Variants in CACNA1D observed in about 807,000 individuals in gnomAD.
CACNA1D encodes the protein calcium voltage-gated channel subunit alpha1 D, also known as voltage-dependent L-type calcium channel subunit alpha-1D.
In CACNA1D, 55 loss-of-function variants were observed where a neutral mutation model predicts 257.1. The observed-to-expected ratio is 0.21, with a 90% CI of 0.17 to 0.27. The LOEUF (loss-of-function observed/expected upper bound fraction) is 0.27, where lower values mean the gene tolerates loss of function less well. CACNA1D is among the 10% of genes least tolerant of loss of function. The pLI is 1.00. For missense variants in CACNA1D, 1,876 were observed against 2,784.0 expected (o/e 0.67, Z 7.34); for synonymous variants, 980 against 1,014.9 (o/e 0.97, Z 0.65).
chr3:53,500,598 T>G (rs2090559200), intron 2 of CACNA1D, among the ~76,000 whole-genome samples: 3 of 152,342 alleles, frequency 2.0e-5, no homozygotes, highest in African/African-American at 7.2e-5. Context: ...GCCTTGCCTC[T>G]TGTGGGTGAG....
rs2106807725 is a variant in CACNA1D, at chr3:53,803,459, C to T, written c.5472C>T (p.Cys1824=). The T allele has an allele frequency of 1.2e-6, 2 of 1,614,206 alleles. No homozygotes were observed. The highest frequency in any genetic ancestry group is 2.2e-5 in the South Asian group (2 of 91,086). Residue 1824 remains cysteine, a synonymous_variant, in exon 44 of 48, where the codon TGC becomes TGT. Coordinates refer to ENST00000350061, the MANE Select transcript of CACNA1D (RefSeq NM_001128840.3). ...DSGDEQLPTI[C]REDPEIHGYF... Reference sequence around the variant, plus strand: ...GAGATGAACAGCTCCCAACTATTTGCCGGGAAGACCCAGAGATACATGGCT... The same window carrying T: ...GAGATGAACAGCTCCCAACTATTTGTCGGGAAGACCCAGAGATACATGGCT...
At chr3:53,509,326 C>T (rs2091008274) in intron 3 of CACNA1D, among the ~76,000 whole-genome samples, 1 of 151,932 alleles carries the variant, frequency 6.6e-6, no homozygotes, top group Non-Finnish European at 1.5e-5. Flanking sequence ...AGCTCATGCT[C>T]ATGAGTGTGT....
intron 5 of CACNA1D, among the ~76,000 whole-genome samples, chr3:53,662,361 G>A (rs981534928): frequency 1.3e-5 from 2 of 151,268 alleles, no homozygotes; most frequent in African/African-American, 4.8e-5. Context: ...TCTGACCCCT[G>A]TGTTGACGTC....
At chr3:53,594,567 G>T (rs911791954) in intron 3 of CACNA1D, among the ~76,000 whole-genome samples, 8 of 152,268 alleles carry the variant, frequency 5.3e-5, no homozygotes, top group Admixed American at 3.3e-4. Context: ...AAGAAAGGGA[G>T]GTTATGCAAC....
rs60630509 is a variant in CACNA1D at position 53,691,691 on chromosome 3, G to GATATATATTACATATATAAT, written c.1221-10903_1221-10884dup. On this transcript the variant is annotated intron_variant, in intron 8 of 47. Coordinates refer to ENST00000350061, the MANE Select transcript of CACNA1D (RefSeq NM_001128840.3). ...GTATATATGTAATATATATATTGCA[G>GATATATATTACATATATAAT]ATATATATTACATATATAATATATA... Among the ~76,000 whole-genome samples the GATATATATTACATATATAAT allele has an allele frequency of 5.7e-3, 638 of 111,776 alleles. 13 individuals carry two copies. The highest frequency in any genetic ancestry group is 0.011 in the African/African-American group (307 of 29,004). The allele number at this position is 111,776 out of a possible 152,430, so 73.3% of individuals were successfully genotyped here. A position where few individuals can be genotyped will look rare whatever the true frequency, so the allele number is the denominator to read the frequency against.
chr3:53,536,089 C>G (rs752437342), intron 3 of CACNA1D, among the ~76,000 whole-genome samples: 1 of 152,100 alleles, frequency 6.6e-6, no homozygotes, highest in South Asian at 2.1e-4. Context: ...CTAAGATAAC[C>G]CATGTTTGTG....
intron 37 of CACNA1D, among the ~76,000 whole-genome samples, chr3:53,777,709 A>T (rs554920768): frequency 6.6e-6 from 1 of 152,274 alleles, no homozygotes; most frequent in East Asian, 1.9e-4. Context: ...CTTTGCTGGC[A>T]CACTAGGCTC....
intron 32 of CACNA1D, among the ~76,000 whole-genome samples, chr3:53,772,178 A>G (rs1576620414): frequency 1.3e-5 from 2 of 152,278 alleles, no homozygotes; most frequent in Admixed American, 1.3e-4. Context: ...AGGGAGCCAC[A>G]CTTGGCGACC....
chr3:53,556,610 A>G (rs2092649014), intron 3 of CACNA1D, among the ~76,000 whole-genome samples: 1 of 151,782 alleles, frequency 6.6e-6, no homozygotes, highest in Non-Finnish European at 1.5e-5. Context: ...CAATTTGAAA[A>G]GTGCCCCATA....
chr3:53,579,734 TGCAGTGG>T (rs1365467921), intron 3 of CACNA1D, among the ~76,000 whole-genome samples: 2 of 152,220 alleles, frequency 1.3e-5, no homozygotes, highest in Non-Finnish European at 2.9e-5. Context: ...CTTTGAGTGG[TGCAGTGG>T]GCAGAGTGTG....
At chr3:53,507,512 G>A (rs1366531960) in intron 3 of CACNA1D, among the ~76,000 whole-genome samples, 1 of 152,134 alleles carries the variant, frequency 6.6e-6, no homozygotes, top group Admixed American at 6.5e-5. Flanking sequence ...CAGCTACTCA[G>A]GAGGCTGAGG....
intron 3 of CACNA1D, among the ~76,000 whole-genome samples, chr3:53,575,052 T>C (rs555533744): frequency 4.6e-5 from 7 of 152,294 alleles, no homozygotes; most frequent in Admixed American, 2.6e-4. Flanking sequence ...TTCCACAGCA[T>C]TATGTGTGCC....
intron 3 of CACNA1D, among the ~76,000 whole-genome samples, chr3:53,521,044 A>C (rs6783453): frequency 0.15 from 12,533 of 84,374 alleles, 1,792 homozygotes; most frequent in African/African-American, 0.41. Flanking sequence ...CTCTTTCCCT[A>C]TTTCTTTCTC....
In CACNA1D at chr3:53,494,643, G is replaced by A. The variant is rs184323; in HGVS notation, c.-524G>A. On this transcript the variant is annotated 5_prime_UTR_variant, in exon 1 of 48. Transcript: ENST00000350061. ...GCGTGCGGCGCGGCGCGGCGGGCGC[G>A]GAGCGAGCGGGCGGGCGAGCGCCTC... 0.46 allele frequency: 67,157 copies of A among 145,902 alleles called. 16,112 individuals are homozygous for A. The highest frequency in any genetic ancestry group is 0.55 in the Middle Eastern group (152 of 278). The allele number at this position is 145,902 out of a possible 1,614,324, so 9.0% of individuals were successfully genotyped here. A position where few individuals can be genotyped will look rare whatever the true frequency, so the allele number is the denominator to read the frequency against.
intron 3 of CACNA1D, among the ~76,000 whole-genome samples, chr3:53,628,289 G>T (rs911246386): frequency 1.3e-5 from 2 of 152,084 alleles, no homozygotes; most frequent in Non-Finnish European, 2.9e-5. Context: ...AAAGTATGAG[G>T]GTAACTTCTT....
At position 53,718,751 on chromosome 3, in the gene CACNA1D, T is replaced by C. The variant is rs2094849300; in HGVS notation, c.1478+363T>C. On this transcript the variant is annotated intron_variant, in intron 10 of 47. Transcript: ENST00000350061. ...GGTGTCGGCGGTGGGGGTAAAGGCCTGATTCTCCTTCCAGCCTGGGTTTGG... is the reference window on the plus strand; with the variant it reads ...GGTGTCGGCGGTGGGGGTAAAGGCCCGATTCTCCTTCCAGCCTGGGTTTGG... 2 of 1,549,384 alleles carry C rather than the reference T, an allele frequency of 1.3e-6. No individual in the cohort carries two copies. Among genetic ancestry groups the C allele is most frequent in the African/African-American group, 1.4e-5 (1 of 73,360 alleles).
chr3:53,779,280 A>C (rs919771411), intron 37 of CACNA1D, among the ~76,000 whole-genome samples: 2 of 152,200 alleles, frequency 1.3e-5, no homozygotes, highest in African/African-American at 4.8e-5. Context: ...GCGTGTTAAC[A>C]TTTATATTTC....
chr3:53,813,291 A>G lies in CACNA1D; in HGVS notation c.*1885A>G, dbSNP rs2095608800. Reference sequence around the variant, plus strand: ...TAAATCCTTTTTTATTAAAATGCAAAATGTTCTTCAGAATAAAACTGTGTA... The same window carrying G: ...TAAATCCTTTTTTATTAAAATGCAAGATGTTCTTCAGAATAAAACTGTGTA... On this transcript the variant is annotated 3_prime_UTR_variant, in exon 48 of 48. Transcript: ENST00000350061. 1.3e-5 allele frequency: 2 copies of G among 152,170 alleles called. No homozygotes were observed. Among genetic ancestry groups the G allele is most frequent in the African/African-American group, 4.8e-5 (2 of 41,432 alleles). 9.4% of individuals were successfully genotyped at this position (152,170 alleles called of 1,614,324 possible). A position where few individuals can be genotyped will look rare whatever the true frequency, so the allele number is the denominator to read the frequency against.
intron 3 of CACNA1D, among the ~76,000 whole-genome samples, chr3:53,606,743 A>C (rs375482942): frequency 6.6e-6 from 1 of 152,238 alleles, no homozygotes; most frequent in South Asian, 2.1e-4. Flanking sequence ...AAGTATATAC[A>C]CTCTGTAACT....
Sources: allele counts gnomAD v4.1 joint callset (sites outside exome capture counted in the v4.1 genomes callset), GRCh38; gene constraint gnomAD v4.1.1; transcripts MANE v1.5; gene names NCBI Gene and HGNC (gene_info 2026-07-23, HGNC 2026-07-21).